Variants in HPCAL1 observed in about 807,000 individuals in gnomAD.
HPCAL1 encodes hippocalcin-like protein 1.
Under a neutral mutation model 17.1 loss-of-function variants are expected in HPCAL1, and 8 were observed. The observed-to-expected ratio is 0.47, with a 90% confidence interval of 0.27 to 0.84. HPCAL1 has a LOEUF of 0.84. Among genes scored for constraint, HPCAL1 ranks in the 40% least tolerant of loss-of-function variants. HPCAL1 has a pLI of 0.13. For synonymous variants in HPCAL1, 112 were observed against 111.4 expected (o/e 1.01, Z -0.03); for missense variants, 165 against 271.1 (o/e 0.61, Z 2.75).
intron 2 of HPCAL1, among the ~76,000 whole-genome samples, chr2:10,401,309 C>G (rs758658638): frequency 6.6e-6 from 1 of 152,330 alleles, no homozygotes; most frequent in South Asian, 2.1e-4. Flanking sequence ...TCTCAGTTAC[C>G]CCCTAGAATA....
chr2:10,375,146 G>A (rs1285214369), intron 1 of HPCAL1, among the ~76,000 whole-genome samples: 2 of 152,266 alleles, frequency 1.3e-5, no homozygotes, highest in African/African-American at 4.8e-5. Context: ...CCACAGTCCT[G>A]TCGGGAGAGG....
chr2:10,394,215 C>G lies in HPCAL1; in HGVS notation c.-110-2620C>G, dbSNP rs954638465. On this transcript the variant is annotated intron_variant, in intron 1 of 4. Coordinates refer to ENST00000307845, the MANE Select transcript of HPCAL1 (RefSeq NM_002149.4). This position sits in a 1 kb window ranked among gnomAD's most constrained non-coding sequence, Gnocchi z 5.0. ...GATTTGTGTTTTGGGCGCCCCACAC[C>G]CCATTTAGCCGAGTGTCACCTGAGC... Among the ~76,000 whole-genome samples the G allele has an allele frequency of 6.6e-6, 1 of 152,108 alleles. No homozygotes were observed. Among genetic ancestry groups the G allele is most frequent in the Non-Finnish European group, 1.5e-5 (1 of 68,018 alleles).
chr2:10,387,104 T>C (rs1437578477), intron 1 of HPCAL1, among the ~76,000 whole-genome samples: 1 of 152,236 alleles, frequency 6.6e-6, no homozygotes, highest in Admixed American at 6.5e-5. Flanking sequence ...GGTCTGTACC[T>C]GTCCAGCACC....
chr2:10,403,880 C>T (rs1235047713), intron 2 of HPCAL1, among the ~76,000 whole-genome samples: 5 of 152,048 alleles, frequency 3.3e-5, no homozygotes, highest in African/African-American at 4.8e-5. Context: ...TTTTTTGACT[C>T]GGACTTTACA....
At chr2:10,357,743 G>C (rs989410327) in intron 1 of HPCAL1, among the ~76,000 whole-genome samples, 3 of 152,258 alleles carry the variant, frequency 2.0e-5, no homozygotes, top group Admixed American at 6.5e-5. Flanking sequence ...AATCAAGAAA[G>C]CGTGTTTTTC....
At position 10,393,681 on chromosome 2, in the gene HPCAL1, C is replaced by T. The variant is rs943252461; in HGVS notation, c.-110-3154C>T. 2.0e-5 allele frequency among the ~76,000 whole-genome samples: 3 copies of T among 152,300 alleles called. No homozygotes were observed. The East Asian group carries it at 5.8e-4, about 29-fold the overall frequency. On this transcript the variant is annotated intron_variant, in intron 1 of 4. Transcript: ENST00000307845. Reference sequence around the variant, plus strand: ...CAGTGGGGCCTTTGCAACCAGATAGCGAGGGACCTCAATGTGGAGATAGGG... The same window carrying T: ...CAGTGGGGCCTTTGCAACCAGATAGTGAGGGACCTCAATGTGGAGATAGGG...
intron 1 of HPCAL1, among the ~76,000 whole-genome samples, chr2:10,312,322 TATCATCATCATCATCATCATATC>T (rs1663028941): frequency 7.1e-5 from 1 of 14,078 alleles, no homozygotes; most frequent in African/African-American, 8.9e-4. Context: ...ATCATCATCA[TATCATCATCATCATCATCATATC>T]ATCCTCATCC....
chr2:10,346,265 G>A (rs925774812), intron 1 of HPCAL1, among the ~76,000 whole-genome samples: 1 of 152,128 alleles, frequency 6.6e-6, no homozygotes. Flanking sequence ...GGGGGCCATG[G>A]GGAGCCTCCT....
At chr2:10,410,086 G>A (rs940820644) in intron 2 of HPCAL1, among the ~76,000 whole-genome samples, 1 of 152,110 alleles carries the variant, frequency 6.6e-6, no homozygotes. Flanking sequence ...ACGGCGCCCC[G>A]GCCAGCCTGG....
At chr2:10,375,189 G>T (rs556665785) in intron 1 of HPCAL1, among the ~76,000 whole-genome samples, 1 of 152,378 alleles carries the variant, frequency 6.6e-6, no homozygotes, top group South Asian at 2.1e-4. Context: ...CCCTGCCCCA[G>T]CAGGCCCTGG....
chr2:10,305,450 G>A (rs192503035), intron 1 of HPCAL1, among the ~76,000 whole-genome samples: 14 of 152,218 alleles, frequency 9.2e-5, no homozygotes, highest in Admixed American at 4.6e-4. Context: ...GAAGGCCCGG[G>A]GGCCCTGCCT....
chr2:10,423,182 G>C, intron 4 of HPCAL1, 94 bp downstream of exon 4: 1 of 936,540 alleles, frequency 1.1e-6, no homozygotes. Context: ...CAGCTTCTTG[G>C]TCTCCTGAGG....
At position 10,315,165 on chromosome 2, in the gene HPCAL1, T is replaced by C. The variant is rs539025797; in HGVS notation, c.-111+11988T>C. On this transcript the variant is annotated intron_variant, in intron 1 of 4. Coordinates refer to ENST00000307845, the MANE Select transcript of HPCAL1 (RefSeq NM_002149.4). ...AAAATTAGCCGGGCGTGGTGGCGGG[T>C]GCCTGTAGTCCCAGCTACACGGGAG... Among the ~76,000 whole-genome samples the C allele has an allele frequency of 1.4e-4, 22 of 151,968 alleles. 1 individual carries two copies. The South Asian group carries it at 2.9e-3, about 20-fold the overall frequency.
Position 10,315,250 on chromosome 2 carries a change from G to A in HPCAL1, c.-111+12073G>A, listed in dbSNP as rs573792703. On this transcript the variant is annotated intron_variant, in intron 1 of 4. Transcript: ENST00000307845. ...GGAGCTTGCAGTGAGCCGAGATCGC[G>A]CCACTGCACTCCAGCCTGGGCAACA... Among the ~76,000 whole-genome samples, 11 of 149,852 alleles carry A rather than the reference G, an allele frequency of 7.3e-5. No individual in the cohort carries two copies. The South Asian group carries it at 2.3e-3, about 31-fold the overall frequency.
At chr2:10,425,364 T>A (rs892409552) in intron 4 of HPCAL1, 1 of 151,842 alleles carries the variant, frequency 6.6e-6, no homozygotes, top group African/African-American at 2.4e-5. Flanking sequence ...AGCCCGGGCA[T>A]TGTTTGGGCT....
chr2:10,424,648 A>G (rs183485252), intron 4 of HPCAL1: 13 of 470,746 alleles, frequency 2.8e-5, no homozygotes, highest in Admixed American at 4.7e-5. Flanking sequence ...GGTCGTTGCT[A>G]ATGTGCCTGC....
At chr2:10,325,366 C>T (rs1196069519) in intron 1 of HPCAL1, among the ~76,000 whole-genome samples, 3 of 152,194 alleles carry the variant, frequency 2.0e-5, no homozygotes, top group Admixed American at 6.5e-5. Flanking sequence ...TCAGCCCCAG[C>T]CTCTGAGGCT....
In HPCAL1 at chr2:10,371,924, G is replaced by A. The variant is rs376070534; in HGVS notation, c.-110-24911G>A. ...CTCTGTGCTGCAGCCTTAAGCCAGCGGGCCCAACCGCCTCCTCCAGGCCCG... is the reference window on the plus strand; with the variant it reads ...CTCTGTGCTGCAGCCTTAAGCCAGCAGGCCCAACCGCCTCCTCCAGGCCCG... On this transcript the variant is annotated intron_variant, in intron 1 of 4. Coordinates refer to ENST00000307845, the MANE Select transcript of HPCAL1 (RefSeq NM_002149.4). 4.6e-5 allele frequency among the ~76,000 whole-genome samples: 7 copies of A among 152,314 alleles called. No individual in the cohort carries two copies. In the East Asian group the frequency reaches 9.7e-4, roughly 21 times the overall value.
Position 10,419,606 on chromosome 2 carries a change from T to C in HPCAL1, c.-24-128T>C, listed in dbSNP as rs1670904025. The C allele has an allele frequency of 2.9e-5, 24 of 834,116 alleles. No homozygotes were observed. In the South Asian group the frequency reaches 3.9e-4, roughly 14 times the overall value. 51.7% of individuals were successfully genotyped at this position (834,116 alleles called of 1,614,324 possible). ...CATAAGATAGCGGCATGCCTTCCGATGGGGGACCCGGGAGTTGCTGAGTCG... is the reference window on the plus strand; with the variant it reads ...CATAAGATAGCGGCATGCCTTCCGACGGGGGACCCGGGAGTTGCTGAGTCG... On this transcript the variant is annotated intron_variant, in intron 2 of 4. Transcript: ENST00000307845. This position sits in a 1 kb window ranked among gnomAD's most constrained non-coding sequence, Gnocchi z 5.0.
Sources: allele counts gnomAD v4.1 joint callset (sites outside exome capture counted in the v4.1 genomes callset), GRCh38; gene constraint gnomAD v4.1.1; non-coding constraint Gnocchi (gnomAD v3.1); transcripts MANE v1.5; gene names NCBI Gene and HGNC (gene_info 2026-07-23, HGNC 2026-07-21).